The following SP110 variants were observed in gnomAD, a reference collection of about 807,000 sequenced individuals.
SP110 encodes SP110 nuclear body protein, also known as interferon-induced protein 41, 30kD.
In SP110, 62 loss-of-function variants were observed where a neutral mutation model predicts 92.7. The ratio of observed to expected loss-of-function variants is 0.67; its 90% CI spans 0.55 to 0.83. The LOEUF is 0.83. Ranked by LOEUF, SP110 falls within the 40% of genes least tolerant of loss-of-function variation. The pLI, the probability that SP110 is intolerant of heterozygous loss-of-function variation, is 0.00. For missense variants in SP110, 793 were observed against 863.9 expected (o/e 0.92, Z 1.03); for synonymous variants, 273 against 305.3 (o/e 0.89, Z 1.10).
chr2:230,174,781 A>ATAAG (rs1424339542), intron 14 of SP110, among the ~76,000 whole-genome samples: 1 of 152,258 alleles, frequency 6.6e-6, no homozygotes, highest in Non-Finnish European at 1.5e-5. Context: ...GTACACATAC[A>ATAAG]TAAGTGAGAC....
Position 230,168,856 on chromosome 2 carries a change from A to T in SP110, c.*268T>A, listed in dbSNP as rs2078354485. 2 of 370,328 alleles carry T rather than the reference A, an allele frequency of 5.4e-6. No homozygotes were observed. The highest frequency in any genetic ancestry group is 8.1e-5 in the Admixed American group (2 of 24,778). 22.9% of individuals were successfully genotyped at this position (370,328 alleles called of 1,614,324 possible). Reference sequence around the variant, plus strand: ...GAACAAATCAACTCTAAAAAGACTTATGAGACAGTGGGGAGAATGTGAACT... The same window carrying T: ...GAACAAATCAACTCTAAAAAGACTTTTGAGACAGTGGGGAGAATGTGAACT... On this transcript the variant is annotated 3_prime_UTR_variant, in exon 19 of 19. Transcript: ENST00000258381.
At chr2:230,185,919 A>T (rs1221388339) in intron 11 of SP110, 75 bp downstream of exon 11, 2 of 1,279,606 alleles carry the variant, frequency 1.6e-6, no homozygotes. Context: ...TTACATATCT[A>T]TCTGACCCTG....
intron 10 of SP110, chr2:230,200,463 G>C (rs2043080303): frequency 5.3e-6 from 1 of 187,256 alleles, no homozygotes; most frequent in East Asian, 1.4e-4. Flanking sequence ...TTCTCAGAAA[G>C]GCCACATGAG....
intron 14 of SP110, chr2:230,176,601 G>A: frequency 6.2e-7 from 1 of 1,613,082 alleles, no homozygotes; most frequent in Non-Finnish European, 8.5e-7. Flanking sequence ...AAACTCAGAA[G>A]CTCTAAGGTG....
At chr2:230,182,825 G>A (rs563839556) in intron 12 of SP110, among the ~76,000 whole-genome samples, 11 of 152,176 alleles carry the variant, frequency 7.2e-5, no homozygotes, top group East Asian at 1.9e-4. Context: ...CCTACGATGC[G>A]ACAGGGGCTT....
chr2:230,183,598 C>T lies in SP110; in HGVS notation c.1322G>A (p.Arg441Lys). 1 of 1,609,740 alleles carries T rather than the reference C, an allele frequency of 6.2e-7. No individual in the cohort carries two copies. Among genetic ancestry groups the T allele is most frequent in the South Asian group, 1.1e-5 (1 of 90,998 alleles). ...EKDICSSSKR[R>K]FQKNIHRRGK... ...TCTTCGGTGAATATTTTTCTGAAATCTCCTTTTTGAGCTTGAACAGATATC... is the reference window on the plus strand; with the variant it reads ...TCTTCGGTGAATATTTTTCTGAAATTTCCTTTTTGAGCTTGAACAGATATC... Residue 441 changes from arginine (R) to lysine (K), a missense_variant, in exon 12 of 19, where the codon AGA (arginine) becomes AAA (lysine). Coordinates refer to ENST00000258381, the MANE Select transcript of SP110 (RefSeq NM_080424.4).
rs1036262542 is a variant in SP110, at chr2:230,176,881, C to G, written c.1590+657G>C. ...AGAAAAATTAGCTCCCTCCCCCAGT[C>G]AGTTTTTCTTCTGGACCTCACTTAG... On this transcript the variant is annotated intron_variant, in intron 14 of 18. Transcript: ENST00000258381. Among the ~76,000 whole-genome samples, 30 of 152,318 alleles carry G rather than the reference C, an allele frequency of 2.0e-4. No individual in the cohort carries two copies. The Middle Eastern group carries it at 0.014, about 69-fold the overall frequency.
chr2:230,222,181 G>T (rs770378431), upstream of SP110, among the ~76,000 whole-genome samples: 32 of 148,524 alleles, frequency 2.2e-4, no homozygotes, highest in Admixed American at 4.7e-4. Context: ...AGTGAGCTGA[G>T]ACTGCGCCAC....
At chr2:230,174,758 C>T (rs1037243351) in intron 14 of SP110, among the ~76,000 whole-genome samples, 1 of 152,238 alleles carries the variant, frequency 6.6e-6, no homozygotes, top group South Asian at 2.1e-4. Context: ...GTACCAGCAT[C>T]GGTCTCTTTG....
At chr2:230,219,765 C>T in intron 1 of SP110, 109 bp downstream of exon 1, 1 of 223,862 alleles carries the variant, frequency 4.5e-6, no homozygotes, top group South Asian at 1.6e-4. Flanking sequence ...CTGAGAGAGC[C>T]TCAGAGTTTA....
intron 2 of SP110, 49 bp from the exon 3 acceptor site, chr2:230,215,167 G>A (rs199506036): frequency 1.9e-5 from 27 of 1,432,144 alleles, no homozygotes; most frequent in Non-Finnish European, 2.7e-5. Context: ...AAATTGAATG[G>A]GAAGTTATAC....
At chr2:230,192,163 C>A (rs542693235) in intron 10 of SP110, among the ~76,000 whole-genome samples, 2 of 152,242 alleles carry the variant, frequency 1.3e-5, no homozygotes, top group South Asian at 4.1e-4. Context: ...TTATGACAAA[C>A]CCACAGCCAA....
At chr2:230,200,863 A>T in intron 10 of SP110, 22 bp downstream of exon 10, 1 of 1,560,412 alleles carries the variant, frequency 6.4e-7, no homozygotes, top group Non-Finnish European at 8.8e-7. Flanking sequence ...GTACTCTGAG[A>T]CCAGCAATCT....
intron 1 of SP110, among the ~76,000 whole-genome samples, chr2:230,218,396 C>T (rs7573954): frequency 0.35 from 53,467 of 151,998 alleles, 9,555 homozygotes; most frequent in South Asian, 0.4. Flanking sequence ...AGAAAAGATG[C>T]CATTGAGAGT....
chr2:230,218,016 T>A (rs2045415190), intron 1 of SP110, among the ~76,000 whole-genome samples: 1 of 152,234 alleles, frequency 6.6e-6, no homozygotes, highest in South Asian at 2.1e-4. Context: ...GACATGCGCC[T>A]TTTCCCATGC....
At chr2:230,207,126 T>G (rs1341545830) in intron 8 of SP110, among the ~76,000 whole-genome samples, 1 of 152,178 alleles carries the variant, frequency 6.6e-6, no homozygotes, top group Non-Finnish European at 1.5e-5. Flanking sequence ...TCTTTTCCAT[T>G]TTATCTCAAA....
chr2:230,200,996 C>G, intron 9 of SP110, 31 bp from the exon 10 acceptor site: 1 of 1,529,810 alleles, frequency 6.5e-7, no homozygotes, highest in African/African-American at 1.4e-5. Flanking sequence ...GTAAATGCCC[C>G]TTGGGAAACA....
upstream of SP110, among the ~76,000 whole-genome samples, chr2:230,223,164 G>A (rs570720004): frequency 5.3e-5 from 8 of 152,008 alleles, no homozygotes; most frequent in South Asian, 1.5e-3. Context: ...AGCCTCCTGA[G>A]TAGCTGGGAC....
chr2:230,217,245 C>CAAAAAAAAA (rs6147220), intron 1 of SP110, among the ~76,000 whole-genome samples: 4 of 79,784 alleles, frequency 5.0e-5, no homozygotes, highest in African/African-American at 9.9e-5. Flanking sequence ...GACTCCATCT[C>CAAAAAAAAA]AAAAAAAAAA....
Sources: allele counts gnomAD v4.1 joint callset (sites outside exome capture counted in the v4.1 genomes callset), GRCh38; gene constraint gnomAD v4.1.1; transcripts MANE v1.5; gene names NCBI Gene and HGNC (gene_info 2026-07-23, HGNC 2026-07-21).